Variants in PAK5 observed in about 807,000 individuals in gnomAD.
PAK5 encodes p21 (RAC1) activated kinase 5, also known as serine/threonine-protein kinase PAK 5.
Under a neutral mutation model 65.9 loss-of-function variants are expected in PAK5, and 16 were observed. The observed-to-expected ratio is 0.24, with a 90% CI of 0.16 to 0.37. The LOEUF (loss-of-function observed/expected upper bound fraction) is 0.37, where lower values mean the gene tolerates loss of function less well. Ranked by LOEUF, PAK5 falls within the 10% of genes least tolerant of loss-of-function variation. PAK5 has a pLI of 1.00. For missense variants in PAK5, 785 were observed against 903.9 expected, an observed-to-expected ratio of 0.87 and a Z score of 1.69; for synonymous variants, 371 against 354.9, an observed-to-expected ratio of 1.05 and a Z score of -0.51.
intron 3 of PAK5, among the ~76,000 whole-genome samples, chr20:9,629,461 G>A (rs2046892903): frequency 6.6e-6 from 1 of 150,822 alleles, no homozygotes; most frequent in Non-Finnish European, 1.5e-5. Flanking sequence ...GGCACCTCTG[G>A]TGTCTCTTCC....
At chr20:9,665,631 C>G (rs1268460086) in intron 2 of PAK5, among the ~76,000 whole-genome samples, 1 of 151,760 alleles carries the variant, frequency 6.6e-6, no homozygotes, top group Non-Finnish European at 1.5e-5. Flanking sequence ...TACAGTTGCA[C>G]TCCACCAGGT....
intron 3 of PAK5, among the ~76,000 whole-genome samples, chr20:9,590,418 T>G (rs2046147725): frequency 6.6e-6 from 1 of 152,134 alleles, no homozygotes; most frequent in Non-Finnish European, 1.5e-5. Flanking sequence ...TTTTTGTAAA[T>G]ATTTACATAT....
chr20:9,639,838 T>C (rs2047028410), intron 3 of PAK5, among the ~76,000 whole-genome samples: 4 of 152,134 alleles, frequency 2.6e-5, no homozygotes, highest in Admixed American at 2.0e-4. Context: ...ACCTAGGAAA[T>C]GGAAGAAATT....
chr20:9,662,249 A>G (rs1392269350), intron 2 of PAK5, among the ~76,000 whole-genome samples: 1 of 152,132 alleles, frequency 6.6e-6, no homozygotes, highest in Non-Finnish European at 1.5e-5. Context: ...AGATAACATG[A>G]TGATGTTCAC....
intron 1 of PAK5, among the ~76,000 whole-genome samples, chr20:9,775,292 A>G (rs186891326): frequency 1.3e-5 from 2 of 152,254 alleles, no homozygotes; most frequent in East Asian, 3.9e-4. Flanking sequence ...CTGCGTCGGT[A>G]GACTCACTCA....
chr20:9,573,067 A>C (rs2045819509), intron 4 of PAK5, among the ~76,000 whole-genome samples: 2 of 152,034 alleles, frequency 1.3e-5, no homozygotes, highest in South Asian at 4.2e-4. Context: ...ATATTGACAA[A>C]ATGAACAAGC....
intron 7 of PAK5, among the ~76,000 whole-genome samples, chr20:9,546,765 G>A (rs1398458812): frequency 6.6e-6 from 1 of 152,198 alleles, no homozygotes; most frequent in African/African-American, 2.4e-5. Flanking sequence ...GGCATCCCTA[G>A]TAGCCTCTAG....
Position 9,566,303 on chromosome 20 carries a change from G to T in PAK5, c.1072C>A (p.Pro358Thr). Reference sequence around the variant, plus strand: ...TAGCCCGATTTGCTTTGACTTTGAGGTAGTTTGGCAGGGCCCCTGGGGTAG... The same window carrying T: ...TAGCCCGATTTGCTTTGACTTTGAGTTAGTTTGGCAGGGCCCCTGGGGTAG... ...DTYPRGPAKL[P>T]QSQSKSGYSS... The change falls in exon 5 of 10, where the codon CCT becomes ACT. Residue 358 changes from proline to threonine, a missense_variant. Physicochemically the swap from Pro to Thr is conservative, Grantham distance 38. This residue lies in a region of PAK5 where 422 missense variants were observed against 413.3 expected (regional missense o/e 1.02). Transcript: ENST00000353224. The T allele has an allele frequency of 6.2e-7, 1 of 1,613,808 alleles. No homozygotes were observed. Among genetic ancestry groups the T allele is most frequent in the South Asian group, 1.1e-5 (1 of 91,068 alleles).
intron 1 of PAK5, among the ~76,000 whole-genome samples, chr20:9,809,801 C>T (rs796887258): frequency 6.6e-6 from 1 of 152,134 alleles, no homozygotes; most frequent in African/African-American, 2.4e-5. Context: ...CCTAACATAA[C>T]AGGTTTACCA....
At chr20:9,718,215 T>C (rs1308021817) in intron 1 of PAK5, among the ~76,000 whole-genome samples, 1 of 152,022 alleles carries the variant, frequency 6.6e-6, no homozygotes, top group East Asian at 1.9e-4. Flanking sequence ...TAAAATTCTA[T>C]GGTATATAAA....
intron 8 of PAK5, 145 bp from the exon 9 acceptor site, chr20:9,542,865 T>C: frequency 2.7e-6 from 2 of 748,414 alleles, no homozygotes; most frequent in African/African-American, 1.8e-5. Context: ...TAGGCTAAAC[T>C]GCTGGGTTAC....
At chr20:9,721,897 G>A (rs186274176) in intron 1 of PAK5, among the ~76,000 whole-genome samples, 7 of 152,184 alleles carry the variant, frequency 4.6e-5, no homozygotes, top group Admixed American at 3.9e-4. Context: ...TTCAGTGGTA[G>A]GATTTTCCTG....
chr20:9,833,917 T>C (rs1288308651), intron 1 of PAK5, among the ~76,000 whole-genome samples: 1 of 152,204 alleles, frequency 6.6e-6, no homozygotes, highest in Non-Finnish European at 1.5e-5. Flanking sequence ...TCAATTTATA[T>C]ATTAGTGAAT....
chr20:9,733,747 T>C (rs933426273), intron 1 of PAK5, among the ~76,000 whole-genome samples: 9 of 152,176 alleles, frequency 5.9e-5, no homozygotes, highest in African/African-American at 1.9e-4. Flanking sequence ...ACCTGGCTCT[T>C]TCTTTCTCTT....
At chr20:9,737,459 A>G (rs985692718) in intron 1 of PAK5, among the ~76,000 whole-genome samples, 2 of 152,338 alleles carry the variant, frequency 1.3e-5, no homozygotes, top group South Asian at 2.1e-4. Context: ...AAATGTTTAT[A>G]TGCCTAAAAA....
At chr20:9,563,148 G>GA (rs2045618358) in intron 5 of PAK5, 124 bp from the exon 6 acceptor site, 1 of 865,716 alleles carries the variant, frequency 1.2e-6, no homozygotes, top group African/African-American at 1.8e-5. Flanking sequence ...AGTTTATTCA[G>GA]AAAATCTATT....
chr20:9,713,976 A>G (rs2048110402), intron 1 of PAK5, among the ~76,000 whole-genome samples: 1 of 152,138 alleles, frequency 6.6e-6, no homozygotes, highest in East Asian at 1.9e-4. Context: ...ACCGTAATTT[A>G]CTGTATATTT....
chr20:9,586,473 C>A (rs1169167467), intron 3 of PAK5, among the ~76,000 whole-genome samples: 1 of 151,986 alleles, frequency 6.6e-6, no homozygotes, highest in Non-Finnish European at 1.5e-5. Context: ...TCTATTTATC[C>A]TAAAATATCT....
rs1568978001 is a variant in PAK5, at chr20:9,580,821, G to A, written c.314C>T (p.Pro105Leu). Residue 105 changes from proline to leucine, a missense_variant, in exon 4 of 10, where the codon CCA becomes CTA. By Grantham distance (98) the Pro-to-Leu change is moderately conservative (BLOSUM62 -3). Around this residue, in one of 4 missense-constraint regions of PAK5, gnomAD observed 422 missense variants for 413.3 expected, o/e 1.02. Transcript: ENST00000353224. ...GGAGGCTCCCTGATCTGGGGTGGGT[G>A]GGCTTTCTTTCCTTAGGGAGTTGGA... is the stretch of plus-strand genomic sequence containing the variant. ...TRSNSLRKES[P>L]PTPDQGASSH... 1.2e-6 allele frequency: 2 copies of A among 1,613,948 alleles called. No individual in the cohort carries two copies. The highest frequency in any genetic ancestry group is 3.3e-5 in the Admixed American group (2 of 60,000).
Sources: gnomAD v4.1 joint callset for allele counts (sites outside exome capture counted in the v4.1 genomes callset) on GRCh38, gnomAD v4.1.1 for gene constraint, gnomAD v4.1.1 regional missense constraint, MANE v1.5 for transcripts, NCBI Gene and HGNC (gene_info 2026-07-23, HGNC 2026-07-21) for gene names.